The following CRACR2A variants were observed in gnomAD, a reference collection of about 807,000 sequenced individuals.
CRACR2A encodes EF-hand calcium-binding domain-containing protein 4B.
A neutral mutation model predicts 90.5 loss-of-function variants in CRACR2A; 79 were observed. The ratio of observed to expected loss-of-function variants is 0.87; its 90% CI spans 0.73 to 1.05. CRACR2A has a LOEUF of 1.05. CRACR2A is among the 50% of genes least tolerant of loss of function. The pLI, the probability that CRACR2A is intolerant of heterozygous loss-of-function variation, is 0.00. For missense variants in CRACR2A, 823 were observed against 897.2 expected (o/e 0.92, Z 1.06); for synonymous variants, 338 against 356.7 (o/e 0.95, Z 0.59).
At chr12:3,719,838 C>T (rs1224626242) in intron 2 of CRACR2A, among the ~76,000 whole-genome samples, 1 of 152,096 alleles carries the variant, frequency 6.6e-6, no homozygotes, top group African/African-American at 2.4e-5. Context: ...TGGAAGGTGG[C>T]CAGGTACAGT....
intron 7 of CRACR2A, among the ~76,000 whole-genome samples, chr12:3,665,616 C>T (rs1247610212): frequency 6.6e-6 from 1 of 152,152 alleles, no homozygotes; most frequent in Non-Finnish European, 1.5e-5. Context: ...TTCTGAGAGC[C>T]ACTGCTCTAT....
intron 15 of CRACR2A, among the ~76,000 whole-genome samples, chr12:3,630,940 A>G (rs1049903556): frequency 3.9e-5 from 6 of 152,238 alleles, no homozygotes; most frequent in African/African-American, 1.4e-4. Flanking sequence ...GTGAGCTGGA[A>G]GAACAACCAA....
intron 3 of CRACR2A, among the ~76,000 whole-genome samples, chr12:3,710,428 G>C (rs1945991085): frequency 1.3e-5 from 2 of 152,118 alleles, no homozygotes; most frequent in South Asian, 2.1e-4. Context: ...GTGCCAGCAT[G>C]GTTGGGTTCT....
At chr12:3,743,363 A>T (rs1399933597) in intron 1 of CRACR2A, among the ~76,000 whole-genome samples, 3 of 152,176 alleles carry the variant, frequency 2.0e-5, no homozygotes, top group Non-Finnish European at 4.4e-5. Context: ...GGCCTTTTCC[A>T]TCCCTATATC....
intron 1 of CRACR2A, among the ~76,000 whole-genome samples, chr12:3,748,377 A>C (rs995395062): frequency 2.0e-5 from 3 of 152,064 alleles, no homozygotes; most frequent in African/African-American, 7.2e-5. Context: ...GCTGCCCCAT[A>C]AATGCCTCCC....
At chr12:3,717,512 C>A (rs748236880) in intron 2 of CRACR2A, among the ~76,000 whole-genome samples, 2 of 152,126 alleles carry the variant, frequency 1.3e-5, no homozygotes, top group African/African-American at 4.8e-5. Flanking sequence ...CCTACCACTG[C>A]GATCCGGGCT....
chr12:3,731,890 G>A (rs889014502), intron 2 of CRACR2A: 2 of 152,506 alleles, frequency 1.3e-5, no homozygotes, highest in African/African-American at 4.8e-5. Context: ...CAAATCGTCA[G>A]AAGCCAGGGC....
At chr12:3,735,430 T>C (rs2058349) in intron 1 of CRACR2A, among the ~76,000 whole-genome samples, 30,853 of 152,070 alleles carry the variant, frequency 0.2, 3,632 homozygotes, top group Admixed American at 0.29. Context: ...CTGCAAGCAA[T>C]AGAGGCAGGC....
chr12:3,619,499 C>T (rs546711180), intron 17 of CRACR2A, 127 bp from the exon 18 acceptor site: 12 of 705,136 alleles, frequency 1.7e-5, no homozygotes, highest in South Asian at 3.5e-5. Context: ...AAGGTGAGGC[C>T]GTAACAGAGT....
At chr12:3,739,409 AT>A (rs1565508984) in intron 1 of CRACR2A, among the ~76,000 whole-genome samples, 1 of 152,266 alleles carries the variant, frequency 6.6e-6, no homozygotes, top group Non-Finnish European at 1.5e-5. Context: ...TAGCTTCTGT[AT>A]CTGGAAGGTG....
At chr12:3,721,972 G>C (rs1946185894) in intron 2 of CRACR2A, among the ~76,000 whole-genome samples, 1 of 152,202 alleles carries the variant, frequency 6.6e-6, no homozygotes. Context: ...AGAAAGCCTT[G>C]AATGTCATGC....
At chr12:3,733,909 A>T (rs905186099) in intron 1 of CRACR2A, among the ~76,000 whole-genome samples, 4 of 139,872 alleles carry the variant, frequency 2.9e-5, no homozygotes, top group Non-Finnish European at 4.7e-5. Flanking sequence ...ACACACACAC[A>T]CACTTTTCTC....
At chr12:3,650,115 T>C (rs1382734460) in intron 10 of CRACR2A, among the ~76,000 whole-genome samples, 1 of 152,144 alleles carries the variant, frequency 6.6e-6, no homozygotes, top group South Asian at 2.1e-4. Flanking sequence ...GTAGGGAGCA[T>C]CTCGCAAGTT....
intron 7 of CRACR2A, among the ~76,000 whole-genome samples, chr12:3,669,105 A>G (rs900295177): frequency 2.6e-5 from 4 of 152,178 alleles, no homozygotes; most frequent in African/African-American, 9.7e-5. Context: ...TCAGAGCTCA[A>G]AGCACCCCAC....
chr12:3,640,623 C>A (rs1944547934), intron 13 of CRACR2A: 2 of 1,304,118 alleles, frequency 1.5e-6, no homozygotes, highest in Non-Finnish European at 2.0e-6. Context: ...AACAAGAATT[C>A]ATGATGATCA....
At chr12:3,616,457 C>A (rs1867685353) in intron 19 of CRACR2A, among the ~76,000 whole-genome samples, 1 of 152,210 alleles carries the variant, frequency 6.6e-6, no homozygotes, top group Non-Finnish European at 1.5e-5. Context: ...ATGCTACCAG[C>A]ACCATTACCT....
intron 3 of CRACR2A, among the ~76,000 whole-genome samples, chr12:3,707,197 T>C (rs1945939416): frequency 6.6e-6 from 1 of 152,188 alleles, no homozygotes; most frequent in Non-Finnish European, 1.5e-5. Context: ...CTTTCCACTC[T>C]GCAGCCTGCT....
chr12:3,633,903 G>A lies in CRACR2A; in HGVS notation c.1603-167C>T, dbSNP rs142121439. Among the ~76,000 whole-genome samples the A allele has an allele frequency of 6.0e-4, 92 of 152,350 alleles. No individual in the cohort carries two copies. The highest frequency in any genetic ancestry group is 1.1e-3 in the Non-Finnish European group (75 of 68,040). ...ACAGCCTCAGAATGCAGTGAGCATA[G>A]TCGGTCTTGGGGCATGGAGGCTTTT... On this transcript the variant is annotated intron_variant, in intron 14 of 19. Transcript: ENST00000440314. This position sits in a 1 kb window ranked among gnomAD's most constrained non-coding sequence, Gnocchi z 4.5.
intron 3 of CRACR2A, among the ~76,000 whole-genome samples, chr12:3,712,377 C>T (rs777573571): frequency 2.6e-5 from 4 of 152,180 alleles, no homozygotes; most frequent in Non-Finnish European, 5.9e-5. Flanking sequence ...AAGCATGGTG[C>T]GAACATCTGC....
Sources: gnomAD v4.1 joint callset for allele counts (sites outside exome capture counted in the v4.1 genomes callset) on GRCh38, gnomAD v4.1.1 for gene constraint, Gnocchi (gnomAD v3.1) non-coding constraint, MANE v1.5 for transcripts, NCBI Gene and HGNC (gene_info 2026-07-23, HGNC 2026-07-21) for gene names.